JADE2: variants seen among roughly 807,000 people sequenced by gnomAD.
JADE2 encodes the protein E3 ubiquitin-protein ligase Jade-2.
JADE2 carries 13 observed loss-of-function variants against 85.7 expected under a neutral mutation model. The ratio of observed to expected loss-of-function variants is 0.15; its 90% CI spans 0.10 to 0.24. The LOEUF is 0.24. Ranked by LOEUF, JADE2 falls within the 10% of genes least tolerant of loss-of-function variation. JADE2 has a pLI of 1.00. For synonymous variants in JADE2, 440 were observed against 456.1 expected (o/e 0.96, Z 0.45); for missense variants, 846 against 1,115.9 (o/e 0.76, Z 3.45).
At position 134,579,026 on chromosome 5, in the gene JADE2, A is replaced by C. The variant is rs1232450229; in HGVS notation, c.2214A>C (p.Gln738His). ...AASVAADSDVQVPGPAASPKP... is the reference protein window; with the variant it reads ...AASVAADSDVHVPGPAASPKP... ...CAGTAGCTGCTGACTCAGATGTCCA[A>C]GTGCCTGGCCCTGCAGCAAGCCCTA... The change falls in exon 12 of 12, where the codon CAA (glutamine) becomes CAC (histidine). Residue 738 changes from glutamine (Q) to histidine (H), a missense_variant. By Grantham distance (24) the Gln-to-His change is conservative. Coordinates refer to ENST00000681547, the MANE Select transcript of JADE2 (RefSeq NM_001388185.1). The surrounding 1 kb of genome is among the most constrained non-coding windows in gnomAD (Gnocchi z 4.6). The C allele has an allele frequency of 1.2e-6, 2 of 1,613,960 alleles. No homozygotes were observed.
chr5:134,550,796 A>G (rs1456043592), intron 3 of JADE2, among the ~76,000 whole-genome samples: 2 of 152,202 alleles, frequency 1.3e-5, no homozygotes, highest in African/African-American at 4.8e-5. Flanking sequence ...AGGTGGGAGC[A>G]GCAGACAAAA....
chr5:134,576,267 C>T (rs1426304540), intron 10 of JADE2, among the ~76,000 whole-genome samples: 1 of 151,980 alleles, frequency 6.6e-6, no homozygotes, highest in African/African-American at 2.4e-5. Context: ...CAGGGGTGCA[C>T]CCTGAATCTC....
At chr5:134,524,368 C>A (rs1433153638), upstream of JADE2, 1 of 152,518 alleles carries the variant, frequency 6.6e-6, no homozygotes, top group Non-Finnish European at 1.5e-5. Context: ...GCCCGCCTGG[C>A]GAGCGCAGGC....
At chr5:134,524,698 C>CT (rs1347415884), upstream of JADE2, among the ~76,000 whole-genome samples, 1 of 152,222 alleles carries the variant, frequency 6.6e-6, no homozygotes, top group African/African-American at 2.4e-5. Context: ...CGCCAGGAGG[C>CT]ACCCGGGAGG....
intron 1 of JADE2, chr5:134,533,658 G>T: frequency 2.4e-6 from 2 of 817,580 alleles, no homozygotes; most frequent in Non-Finnish European, 3.0e-6. Context: ...GGGTTGCGCT[G>T]GGCTGGGCTG....
At chr5:134,529,636 A>G (rs141289684) in intron 1 of JADE2, among the ~76,000 whole-genome samples, 4 of 152,372 alleles carry the variant, frequency 2.6e-5, no homozygotes, top group South Asian at 2.1e-4. Context: ...AGTATTAGTC[A>G]TCCTTATTAT....
chr5:134,564,445 G>T (rs1276358927), intron 7 of JADE2, 49 bp from the exon 8 acceptor site: 8 of 1,304,696 alleles, frequency 6.1e-6, no homozygotes, highest in Non-Finnish European at 8.4e-6. Flanking sequence ...GATCCCTGGA[G>T]GCAGGCTGGG....
intron 10 of JADE2, 101 bp downstream of exon 10, chr5:134,573,863 G>C (rs1178104974): frequency 2.4e-6 from 2 of 827,722 alleles, no homozygotes; most frequent in Non-Finnish European, 4.3e-6. Context: ...GGGGGTATGT[G>C]CGTGGAGCCA....
chr5:134,526,825 TC>T (rs1223181280), intron 1 of JADE2: 2 of 903,354 alleles, frequency 2.2e-6, no homozygotes, highest in Non-Finnish European at 2.6e-6. Flanking sequence ...AGCCTCCACC[TC>T]CGGGGCCGCG....
intron 3 of JADE2, among the ~76,000 whole-genome samples, chr5:134,551,609 C>T (rs1011587829): frequency 1.3e-5 from 2 of 151,406 alleles, no homozygotes; most frequent in Non-Finnish European, 2.9e-5. Flanking sequence ...AACTCCTGGC[C>T]TCAAGCAGTT....
rs1764716691 is a variant in JADE2 at position 134,581,674 on chromosome 5, T to C, written c.*2357T>C. ...GCCTCTGGATTCTGGCCCTTCTTCA[T>C]TGGCTGTTGCTTTGGACTGGACTGT... On this transcript the variant is annotated 3_prime_UTR_variant, in exon 12 of 12. Coordinates refer to ENST00000681547, the MANE Select transcript of JADE2 (RefSeq NM_001388185.1). 2 of 153,002 alleles carry C rather than the reference T, an allele frequency of 1.3e-5. No homozygotes were observed. The highest frequency in any genetic ancestry group is 2.1e-4 in the South Asian group (1 of 4,840). 9.5% of individuals were successfully genotyped at this position (153,002 alleles called of 1,614,324 possible). A position where few individuals can be genotyped will look rare whatever the true frequency, so the allele number is the denominator to read the frequency against.
Position 134,580,905 on chromosome 5 carries a change from C to T in JADE2, c.*1588C>T, listed in dbSNP as rs1764680982. On this transcript the variant is annotated 3_prime_UTR_variant, in exon 12 of 12. Transcript: ENST00000681547. ...GATCCTGGGCTGAGCCCACTGTGAG[C>T]TTTCCTAAACTGTGAGACTCACAGA... 1 of 152,586 alleles carries T rather than the reference C, an allele frequency of 6.6e-6. No homozygotes were observed. The highest frequency in any genetic ancestry group is 2.4e-5 in the African/African-American group (1 of 41,432). The allele number at this position is 152,586 out of a possible 1,614,324, so 9.5% of individuals were successfully genotyped here.
chr5:134,538,842 A>G (rs1258413149), intron 3 of JADE2, among the ~76,000 whole-genome samples: 2 of 149,490 alleles, frequency 1.3e-5, no homozygotes, highest in African/African-American at 4.9e-5. Flanking sequence ...GGAGAGATGG[A>G]GGGTCTTAAT....
intron 1 of JADE2, among the ~76,000 whole-genome samples, chr5:134,535,315 GTCCCCCGCCTC>G (rs924813866): frequency 2.6e-5 from 4 of 152,230 alleles, no homozygotes; most frequent in Middle Eastern, 3.4e-3. Flanking sequence ...AGCCTGGAGT[GTCCCCCGCCTC>G]TCCCCCGCTT....
intron 1 of JADE2, chr5:134,526,330 C>G: frequency 1.0e-6 from 1 of 985,180 alleles, no homozygotes; most frequent in South Asian, 4.7e-5. Flanking sequence ...GGCAAAGCGC[C>G]CCCGGGCCGG....
intron 1 of JADE2, among the ~76,000 whole-genome samples, chr5:134,527,872 AC>A (rs1472992886): frequency 2.6e-5 from 4 of 152,172 alleles, no homozygotes; most frequent in Non-Finnish European, 4.4e-5. Flanking sequence ...CCGAAGGCAC[AC>A]TGCGGCCGGC....
chr5:134,556,688 A>C (rs1581442196), intron 4 of JADE2, among the ~76,000 whole-genome samples: 3 of 93,482 alleles, frequency 3.2e-5, no homozygotes, highest in Non-Finnish European at 6.3e-5. Context: ...ACACACACAC[A>C]TCACACAACA....
At chr5:134,577,556 T>C (rs1478035587) in intron 11 of JADE2, among the ~76,000 whole-genome samples, 1 of 152,124 alleles carries the variant, frequency 6.6e-6, no homozygotes, top group Non-Finnish European at 1.5e-5. Flanking sequence ...CCAGGCGTGG[T>C]GGTGCATGCC....
rs1232385553 is a variant in JADE2 at position 134,578,357 on chromosome 5, A to C, written c.1682-137A>C. ...GTTGGCAGGAGGGATGGACAAAACA[A>C]GATAGCTCACCTGGGTCTGGCACAG... On this transcript the variant is annotated intron_variant, in intron 11 of 11. Transcript: ENST00000681547. This position sits in a 1 kb window ranked among gnomAD's most constrained non-coding sequence, Gnocchi z 4.4. The C allele has an allele frequency of 2.9e-6, 2 of 690,002 alleles. No individual in the cohort carries two copies. Among genetic ancestry groups the C allele is most frequent in the Non-Finnish European group, 2.5e-6 (1 of 395,824 alleles). 42.7% of individuals were successfully genotyped at this position (690,002 alleles called of 1,614,324 possible). A position where few individuals can be genotyped will look rare whatever the true frequency, so the allele number is the denominator to read the frequency against.
Sources: gnomAD v4.1 joint callset for allele counts (sites outside exome capture counted in the v4.1 genomes callset) on GRCh38, gnomAD v4.1.1 for gene constraint, Gnocchi (gnomAD v3.1) non-coding constraint, MANE v1.5 for transcripts, NCBI Gene and HGNC (gene_info 2026-07-23, HGNC 2026-07-21) for gene names.